The following NELL1 variants were observed in gnomAD, a reference collection of about 807,000 sequenced individuals.
The protein encoded by NELL1 is protein kinase C-binding protein NELL1.
NELL1 carries 76 observed loss-of-function variants against 107.4 expected under a neutral mutation model. The ratio of observed to expected loss-of-function variants is 0.71; its 90% CI spans 0.59 to 0.86. The LOEUF (loss-of-function observed/expected upper bound fraction) is 0.86. NELL1 is among the 40% of genes least tolerant of loss of function. The pLI is 0.00. For synonymous variants in NELL1, 353 were observed against 341.2 expected (o/e 1.03, Z -0.38); for missense variants, 1,024 against 1,005.5 (o/e 1.02, Z -0.25).
At chr11:21,459,664 C>T (rs560691025) in intron 15 of NELL1, among the ~76,000 whole-genome samples, 85 of 152,074 alleles carry the variant, frequency 5.6e-4, no homozygotes, top group African/African-American at 2.0e-3. Flanking sequence ...CTAAATCATT[C>T]CTATGATGAC....
At chr11:20,690,932 A>C (rs1212975845) in intron 2 of NELL1, among the ~76,000 whole-genome samples, 1 of 151,988 alleles carries the variant, frequency 6.6e-6, no homozygotes, top group East Asian at 1.9e-4. Flanking sequence ...ATGTTCTTCC[A>C]TTTGTTTGTG....
chr11:20,740,003 A>C (rs1487122536), intron 2 of NELL1, among the ~76,000 whole-genome samples: 1 of 152,228 alleles, frequency 6.6e-6, no homozygotes, highest in Non-Finnish European at 1.5e-5. Context: ...AGTCACTGCC[A>C]TTTGCCACAT....
intron 17 of NELL1, 136 bp downstream of exon 17, chr11:21,560,518 C>T (rs1856824119): frequency 1.4e-6 from 1 of 726,698 alleles, no homozygotes; most frequent in Non-Finnish European, 2.2e-6. Context: ...ATCTACATTA[C>T]AGCTAATGAT....
chr11:20,890,869 C>T (rs572671562), intron 5 of NELL1, among the ~76,000 whole-genome samples: 42 of 151,934 alleles, frequency 2.8e-4, no homozygotes, highest in African/African-American at 9.4e-4. Context: ...ATAAAAAGAC[C>T]GAACCTACCA....
intron 16 of NELL1, among the ~76,000 whole-genome samples, chr11:21,544,394 C>G (rs886418083): frequency 1.3e-5 from 2 of 151,806 alleles, no homozygotes; most frequent in Non-Finnish European, 2.9e-5. Flanking sequence ...ATAGGTTATA[C>G]TTTAAAATAT....
intron 14 of NELL1, among the ~76,000 whole-genome samples, chr11:21,331,961 G>A (rs1322956985): frequency 6.6e-6 from 1 of 151,958 alleles, no homozygotes. Context: ...TTCCCCTTGT[G>A]GCATGTTGAG....
At chr11:20,747,956 A>G (rs1856040926) in intron 2 of NELL1, among the ~76,000 whole-genome samples, 1 of 152,074 alleles carries the variant, frequency 6.6e-6, no homozygotes, top group African/African-American at 2.4e-5. Flanking sequence ...AGGTGGGGAA[A>G]TTTGTATTCT....
At chr11:21,381,503 T>G (rs1249539305) in intron 15 of NELL1, among the ~76,000 whole-genome samples, 2 of 151,984 alleles carry the variant, frequency 1.3e-5, no homozygotes, top group African/African-American at 4.8e-5. Context: ...TTAAAATACC[T>G]GGTAGAAAGC....
intron 2 of NELL1, among the ~76,000 whole-genome samples, chr11:20,706,075 A>C (rs538775940): frequency 1.1e-4 from 16 of 152,312 alleles, no homozygotes; most frequent in Admixed American, 4.6e-4. Context: ...GTGGGGCTGT[A>C]AACTAGTTCA....
intron 15 of NELL1, among the ~76,000 whole-genome samples, chr11:21,407,353 C>A (rs1368446595): frequency 6.6e-6 from 1 of 151,978 alleles, no homozygotes; most frequent in East Asian, 1.9e-4. Flanking sequence ...GAGGTTGAGG[C>A]TTCAGTAAGC....
At chr11:21,139,099 A>G (rs1416824307) in intron 13 of NELL1, among the ~76,000 whole-genome samples, 1 of 152,234 alleles carries the variant, frequency 6.6e-6, no homozygotes, top group Non-Finnish European at 1.5e-5. Flanking sequence ...TGGCTTGTGA[A>G]GAATCAAAGA....
chr11:20,732,032 C>T (rs772493786), intron 2 of NELL1, among the ~76,000 whole-genome samples: 5 of 152,118 alleles, frequency 3.3e-5, no homozygotes, highest in Non-Finnish European at 7.4e-5. Context: ...TAATGGAGTC[C>T]TCTGGGACCC....
chr11:20,781,481 G>A (rs1342460291), intron 2 of NELL1, among the ~76,000 whole-genome samples: 1 of 152,124 alleles, frequency 6.6e-6, no homozygotes, highest in East Asian at 1.9e-4. Flanking sequence ...AACTGAGTGA[G>A]AGATGACGAT....
chr11:21,401,102 T>C (rs1282759401), intron 15 of NELL1, among the ~76,000 whole-genome samples: 1 of 151,948 alleles, frequency 6.6e-6, no homozygotes, highest in Non-Finnish European at 1.5e-5. Flanking sequence ...CTTTAAATTA[T>C]ACAACCCTTT....
intron 3 of NELL1, among the ~76,000 whole-genome samples, chr11:20,826,461 T>C (rs893472790): frequency 1.3e-5 from 2 of 151,298 alleles, no homozygotes; most frequent in Non-Finnish European, 3.0e-5. Context: ...GTGACCTTTA[T>C]TCTAGATGGC....
intron 16 of NELL1, among the ~76,000 whole-genome samples, chr11:21,548,329 T>C (rs1056160564): frequency 6.6e-6 from 1 of 151,890 alleles, no homozygotes; most frequent in African/African-American, 2.4e-5. Context: ...ATGTTGGAGA[T>C]TGTATTAGTT....
chr11:20,781,931 A>G (rs1488924752), intron 2 of NELL1, among the ~76,000 whole-genome samples: 1 of 150,628 alleles, frequency 6.6e-6, no homozygotes, highest in Non-Finnish European at 1.5e-5. Context: ...GGTCCCAACT[A>G]CTTGGGAGGC....
intron 3 of NELL1, among the ~76,000 whole-genome samples, chr11:20,804,528 A>G (rs1005219896): frequency 2.6e-5 from 4 of 152,264 alleles, no homozygotes; most frequent in Middle Eastern, 6.8e-3. Context: ...TTTTATTCTT[A>G]ATCTGTTGAT....
intron 14 of NELL1, among the ~76,000 whole-genome samples, chr11:21,234,930 G>C (rs931965052): frequency 1.3e-5 from 2 of 152,156 alleles, no homozygotes; most frequent in Non-Finnish European, 1.5e-5. Context: ...GGGAGAGGGA[G>C]AATAGAAAGG....
Sources: gnomAD v4.1 joint callset for allele counts (sites outside exome capture counted in the v4.1 genomes callset) on GRCh38, gnomAD v4.1.1 for gene constraint, MANE v1.5 for transcripts, NCBI Gene and HGNC (gene_info 2026-07-23, HGNC 2026-07-21) for gene names.